Variants in FAT4 observed in about 807,000 individuals in gnomAD.
FAT4 encodes the protein FAT atypical cadherin 4, also known as protocadherin Fat 4.
A neutral mutation model predicts 303.9 loss-of-function variants in FAT4; 84 were observed. The ratio of observed to expected loss-of-function variants is 0.28; its 90% CI spans 0.23 to 0.33. The LOEUF (loss-of-function observed/expected upper bound fraction) is 0.33, where lower values mean the gene tolerates loss of function less well. Ranked by LOEUF, FAT4 falls within the 10% of genes least tolerant of loss-of-function variation. FAT4 has a pLI of 1.00. For missense variants in FAT4, 6,005 were observed against 6,146.8 expected (o/e 0.98, Z 0.77); for synonymous variants, 2,307 against 2,298.8 (o/e 1.00, Z -0.10).
chr4:125,371,179 A>G (rs1387188318), intron 2 of FAT4, among the ~76,000 whole-genome samples: 1 of 151,630 alleles, frequency 6.6e-6, no homozygotes, highest in Admixed American at 6.6e-5. Context: ...AGAAGTTTAA[A>G]TGTCTACTGA....
chr4:125,350,370 T>C (rs1446274677), intron 2 of FAT4, among the ~76,000 whole-genome samples: 1 of 151,840 alleles, frequency 6.6e-6, no homozygotes, highest in Admixed American at 6.6e-5. Flanking sequence ...TCATTTCATC[T>C]TTCCAAATAT....
intron 2 of FAT4, among the ~76,000 whole-genome samples, chr4:125,394,167 T>C (rs1473463452): frequency 1.3e-5 from 2 of 152,316 alleles, no homozygotes; most frequent in African/African-American, 4.8e-5. Context: ...AATCTTCATC[T>C]TTAAAGGGCA....
intron 16 of FAT4, among the ~76,000 whole-genome samples, chr4:125,486,460 A>G (rs1355651513): frequency 1.3e-5 from 2 of 152,166 alleles, no homozygotes; most frequent in African/African-American, 4.8e-5. Context: ...AAATAAACTG[A>G]TCCATCTTTT....
At chr4:125,338,538 T>A (rs1286745908) in intron 2 of FAT4, among the ~76,000 whole-genome samples, 5 of 152,218 alleles carry the variant, frequency 3.3e-5, no homozygotes, top group Non-Finnish European at 7.3e-5. Context: ...AGGTAAGCAG[T>A]TACCTTTAAC....
At chr4:125,378,767 C>A (rs988915551) in intron 2 of FAT4, among the ~76,000 whole-genome samples, 1 of 152,038 alleles carries the variant, frequency 6.6e-6, no homozygotes, top group African/African-American at 2.4e-5. Context: ...CAATATTTGT[C>A]TTTGTAACCT....
intron 7 of FAT4, among the ~76,000 whole-genome samples, chr4:125,433,931 C>T (rs556777102): frequency 1.6e-4 from 24 of 152,092 alleles, no homozygotes; most frequent in African/African-American, 5.1e-4. Context: ...GAGAAATTAC[C>T]GGCAGTGCCT....
At chr4:125,373,971 T>C (rs1356031363) in intron 2 of FAT4, among the ~76,000 whole-genome samples, 1 of 152,204 alleles carries the variant, frequency 6.6e-6, no homozygotes, top group East Asian at 1.9e-4. Context: ...TTAAATAAAT[T>C]AGGATAAATG....
intron 2 of FAT4, among the ~76,000 whole-genome samples, chr4:125,327,318 G>A (rs997239703): frequency 3.3e-5 from 5 of 152,156 alleles, no homozygotes; most frequent in Non-Finnish European, 7.3e-5. Flanking sequence ...TAAGAAGGTG[G>A]AGAATTATTT....
At chr4:125,398,694 C>A (rs1734271253) in intron 2 of FAT4, 90 bp from the exon 3 acceptor site, 1 of 1,326,556 alleles carries the variant, frequency 7.5e-7, no homozygotes, top group Non-Finnish European at 1.0e-6. Flanking sequence ...TTTTGGCAGT[C>A]TTGATTGCGT....
chr4:125,470,613 A>G (rs1273915215), intron 12 of FAT4, among the ~76,000 whole-genome samples: 3 of 152,098 alleles, frequency 2.0e-5, no homozygotes, highest in Non-Finnish European at 4.4e-5. Context: ...TCATGAGCCA[A>G]CCTCTGCTAC....
chr4:125,338,835 T>A (rs1040530492), intron 2 of FAT4, among the ~76,000 whole-genome samples: 1 of 152,204 alleles, frequency 6.6e-6, no homozygotes, highest in Non-Finnish European at 1.5e-5. Context: ...TCAGGCAAAT[T>A]ATACCCACCT....
chr4:125,398,101 A>AT (rs1463983968), intron 2 of FAT4, among the ~76,000 whole-genome samples: 1 of 152,020 alleles, frequency 6.6e-6, no homozygotes, highest in African/African-American at 2.4e-5. Flanking sequence ...TCTTCTAAAC[A>AT]TTTTTTCTTA....
intron 12 of FAT4, among the ~76,000 whole-genome samples, chr4:125,474,504 C>A: frequency 6.6e-6 from 1 of 151,556 alleles, no homozygotes; most frequent in Non-Finnish European, 1.5e-5. Flanking sequence ...ATAAATTTTT[C>A]CTACAAATGT....
chr4:125,467,068 T>C (rs1055607213), intron 11 of FAT4, among the ~76,000 whole-genome samples: 4 of 152,130 alleles, frequency 2.6e-5, no homozygotes, highest in South Asian at 2.1e-4. Context: ...TGAGCCACCA[T>C]GCCTGGCCAA....
intron 7 of FAT4, among the ~76,000 whole-genome samples, chr4:125,425,968 T>A (rs1417412697): frequency 1.3e-5 from 2 of 152,098 alleles, no homozygotes; most frequent in African/African-American, 4.8e-5. Context: ...TATGCAGGGA[T>A]TGAAAATTGC....
intron 2 of FAT4, among the ~76,000 whole-genome samples, chr4:125,370,756 CAAAATTTTCAAAGTTTG>C (rs1733074386): frequency 6.6e-6 from 1 of 151,984 alleles, no homozygotes; most frequent in East Asian, 1.9e-4. Flanking sequence ...TTCAAATTTT[CAAAATTTTCAAAGTTTG>C]AAAATTTCAA....
At chr4:125,442,165 A>G (rs1725682057) in intron 8 of FAT4, among the ~76,000 whole-genome samples, 1 of 152,144 alleles carries the variant, frequency 6.6e-6, no homozygotes, top group Middle Eastern at 3.2e-3. Context: ...AACACTATTG[A>G]AAGATGGGTA....
chr4:125,317,313 A>C lies in FAT4; in HGVS notation c.902A>C (p.Glu301Ala), dbSNP rs896894192. 3 of 1,605,884 alleles carry C rather than the reference A, an allele frequency of 1.9e-6. No homozygotes were observed. In the African/African-American group the frequency reaches 4.0e-5, roughly 21 times the overall value. The change falls in exon 2 of 18, where the codon GAG (glutamate) becomes GCG (alanine). Residue 301 changes from glutamate to alanine, a missense_variant. Coordinates refer to ENST00000394329, the MANE Select transcript of FAT4 (RefSeq NM_001291303.3). The surrounding 1 kb of genome is among the most constrained non-coding windows in gnomAD (Gnocchi z 7.0). ...GGGACCCCCTTCCAAATGGACCCTG[A>C]GACGGGACTTATCACGGTGCGGGAG... ...DEGTPFQMDP[E>A]TGLITVREPL...
intron 2 of FAT4, among the ~76,000 whole-genome samples, chr4:125,359,492 C>T (rs1382764060): frequency 5.9e-5 from 9 of 152,190 alleles, no homozygotes; most frequent in Admixed American, 2.0e-4. Flanking sequence ...TAATTTAATT[C>T]GCTGTGATTT....
Sources: allele counts gnomAD v4.1 joint callset (sites outside exome capture counted in the v4.1 genomes callset), GRCh38; gene constraint gnomAD v4.1.1; non-coding constraint Gnocchi (gnomAD v3.1); transcripts MANE v1.5; gene names NCBI Gene and HGNC (gene_info 2026-07-23, HGNC 2026-07-21).